The following LGSN variants were observed in gnomAD, a reference collection of about 807,000 sequenced individuals.
LGSN encodes the protein lengsin.
A neutral mutation model predicts 19.5 loss-of-function variants in LGSN; 21 were observed. That is an observed-to-expected ratio of 1.07 (90% CI 0.76 to 1.55). LGSN has a LOEUF of 1.55. Among genes scored for constraint, LGSN ranks in the 40% most tolerant of loss-of-function variants. The pLI is 0.00. For synonymous variants in LGSN, 257 were observed against 215.6 expected, an observed-to-expected ratio of 1.19 and a Z score of -1.68; for missense variants, 673 against 608.5, an observed-to-expected ratio of 1.11 and a Z score of -1.12.
the LGSN span, among the ~76,000 whole-genome samples, chr6:63,361,362 C>A: frequency 2.0e-5 from 3 of 152,192 alleles, no homozygotes; most frequent in African/African-American, 7.2e-5. Flanking sequence ...ATGGTGGGCA[C>A]CCCTCCCTCA....
the LGSN span, among the ~76,000 whole-genome samples, chr6:63,545,908 T>C: frequency 2.0e-5 from 3 of 152,156 alleles, no homozygotes; most frequent in East Asian, 5.8e-4. Context: ...CCTGGTTCTG[T>C]TATTCAAAAT....
rs1250007978 is a variant in LGSN at position 63,281,071 on chromosome 6, T to C, written c.480A>G (p.Pro160=). ...TCACTCTTGCAGTTCTGTCAGCCCA[T>C]GGCAAAACTCTAAAGGTTGATAACT... ...MPELSTFRVL[P]WADRTARVIC... is the part of the protein sequence containing the mutation. Residue 160 remains proline, a synonymous_variant, in exon 4 of 4, where the codon CCA becomes CCG. Coordinates refer to ENST00000370657, the MANE Select transcript of LGSN (RefSeq NM_016571.3). 4.3e-6 allele frequency: 7 copies of C among 1,613,782 alleles called. No individual in the cohort carries two copies. Among genetic ancestry groups the C allele is most frequent in the African/African-American group, 2.7e-5 (2 of 74,852 alleles).
chr6:63,468,619 G>T, the LGSN span, among the ~76,000 whole-genome samples: 4 of 151,380 alleles, frequency 2.6e-5, no homozygotes, highest in Non-Finnish European at 5.9e-5. Flanking sequence ...GTAGAGACAG[G>T]GTTTCATTAC....
At chr6:63,451,496 A>C in the LGSN span, among the ~76,000 whole-genome samples, 2 of 152,158 alleles carry the variant, frequency 1.3e-5, no homozygotes, top group Non-Finnish European at 2.9e-5. Context: ...AGGAACAGAA[A>C]ACCAAATACC....
At chr6:63,561,143 A>T in the LGSN span, among the ~76,000 whole-genome samples, 1 of 152,212 alleles carries the variant, frequency 6.6e-6, no homozygotes. Context: ...TTTCAAGGCC[A>T]TGAGTACAGC....
rs768036882 is a variant in LGSN, at chr6:63,280,125, G to A, written c.1426C>T (p.Leu476=). 3.7e-6 allele frequency: 6 copies of A among 1,613,976 alleles called. No homozygotes were observed. Among genetic ancestry groups the A allele is most frequent in the South Asian group, 3.3e-5 (3 of 91,082 alleles). Residue 476 remains leucine (L), a synonymous_variant, in exon 4 of 4, where the codon CTA becomes TTA. Transcript: ENST00000370657. ...AAATATCGAATAAAGGTTTCTCCTA[G>A]AGCCTGTCTCAGGCATTGATCTTCT... The part of the protein sequence containing the change: ...LEEDQCLRQA[L]GETFIRYFVA...
chr6:63,488,106 A>G, the LGSN span, among the ~76,000 whole-genome samples: 2 of 152,128 alleles, frequency 1.3e-5, no homozygotes, highest in South Asian at 2.1e-4. Flanking sequence ...CATATTAATA[A>G]TATCCAGCTG....
chr6:63,372,048 T>C, the LGSN span, among the ~76,000 whole-genome samples: 2 of 152,216 alleles, frequency 1.3e-5, no homozygotes, highest in African/African-American at 4.8e-5. Flanking sequence ...TTGTTGACTT[T>C]AGAAATTACG....
Position 63,280,977 on chromosome 6 carries a change from G to A in LGSN, c.574C>T (p.Leu192=). ...AAGCCAGAGGCCTGCAGATGGCTCA[G>A]CTGCCTCTTTGCAATGTACCTTGGG... ...TSPRYIAKRQ[L]SHLQASGFSL... is the part of the protein sequence containing the mutation. Residue 192 remains leucine (L), a synonymous_variant, in exon 4 of 4, where the codon CTG becomes TTG. Transcript: ENST00000370657. 1 of 1,614,156 alleles carries A rather than the reference G, an allele frequency of 6.2e-7. No individual in the cohort carries two copies. Among genetic ancestry groups the A allele is most frequent in the African/African-American group, 1.3e-5 (1 of 75,034 alleles).
At chr6:63,284,172 G>T (rs1767437259) in intron 3 of LGSN, among the ~76,000 whole-genome samples, 1 of 152,094 alleles carries the variant, frequency 6.6e-6, no homozygotes, top group South Asian at 2.1e-4. Flanking sequence ...ATCATTAAAT[G>T]AGAACAAAAT....
At chr6:63,387,650 A>G in the LGSN span, among the ~76,000 whole-genome samples, 1 of 152,138 alleles carries the variant, frequency 6.6e-6, no homozygotes, top group South Asian at 2.1e-4. Flanking sequence ...AGAGGAATCC[A>G]TGCAATGGGA....
At chr6:63,411,787 C>T in the LGSN span, among the ~76,000 whole-genome samples, 1 of 152,040 alleles carries the variant, frequency 6.6e-6, no homozygotes, top group African/African-American at 2.4e-5. Context: ...GTTGGGGCTG[C>T]ACTGAGTCAT....
chr6:63,296,979 C>T (rs1337395777), intron 1 of LGSN, among the ~76,000 whole-genome samples: 3 of 151,246 alleles, frequency 2.0e-5, no homozygotes, highest in Non-Finnish European at 4.4e-5. Context: ...TAAACCCGAT[C>T]AAAAGAGAAA....
chr6:63,552,481 G>C, the LGSN span, among the ~76,000 whole-genome samples: 1 of 152,190 alleles, frequency 6.6e-6, no homozygotes, highest in African/African-American at 2.4e-5. Flanking sequence ...CCATTCTGTA[G>C]GTTGCCTGTT....
At chr6:63,352,185 A>G in the LGSN span, among the ~76,000 whole-genome samples, 1 of 152,264 alleles carries the variant, frequency 6.6e-6, no homozygotes, top group Non-Finnish European at 1.5e-5. Flanking sequence ...GACTTGTTTT[A>G]GAAATGCTTG....
chr6:63,325,368 A>C, the LGSN span, among the ~76,000 whole-genome samples: 2 of 152,204 alleles, frequency 1.3e-5, no homozygotes, highest in African/African-American at 4.8e-5. Flanking sequence ...AACCAGGAAG[A>C]GAGAAGATCC....
At chr6:63,537,995 C>A in the LGSN span, among the ~76,000 whole-genome samples, 1 of 152,188 alleles carries the variant, frequency 6.6e-6, no homozygotes, top group Non-Finnish European at 1.5e-5. Context: ...CAGAGTTTAC[C>A]TGAGGCCAGT....
the LGSN span, among the ~76,000 whole-genome samples, chr6:63,474,608 CAA>C: frequency 1.4e-3 from 167 of 118,298 alleles, no homozygotes; most frequent in Non-Finnish European, 1.4e-3. Flanking sequence ...GACTCCATCT[CAA>C]AAAAAAAAAA....
the LGSN span, among the ~76,000 whole-genome samples, chr6:63,508,459 T>C: frequency 6.6e-6 from 1 of 152,178 alleles, no homozygotes; most frequent in Non-Finnish European, 1.5e-5. Flanking sequence ...TTATGTATCT[T>C]TATATAGTAG....
Sources: allele counts gnomAD v4.1 joint callset (sites outside exome capture counted in the v4.1 genomes callset), GRCh38; gene constraint gnomAD v4.1.1; transcripts MANE v1.5; gene names NCBI Gene and HGNC (gene_info 2026-07-23, HGNC 2026-07-21).